Variants in ATF7IP2 observed in about 807,000 individuals in gnomAD.
The protein encoded by ATF7IP2 is activating transcription factor 7 interacting protein 2.
A neutral mutation model predicts 64.2 loss-of-function variants in ATF7IP2; 42 were observed. The observed-to-expected ratio is 0.65, with a 90% CI of 0.51 to 0.85. ATF7IP2 has a LOEUF of 0.85. Ranked by LOEUF, ATF7IP2 falls within the 40% of genes least tolerant of loss-of-function variation. The probability of loss-of-function intolerance (pLI) is 0.00; values close to 1 mark genes in which losing one functional copy is unlikely to be tolerated. For synonymous variants in ATF7IP2, 308 were observed against 272.8 expected, an observed-to-expected ratio of 1.13 and a Z score of -1.27; for missense variants, 933 against 784.2, an observed-to-expected ratio of 1.19 and a Z score of -2.27.
chr16:10,431,391 C>G lies in ATF7IP2; in HGVS notation c.771C>G (p.Thr257=). Residue 257 remains threonine (T), a synonymous_variant, in exon 5 of 14, where the codon ACC becomes ACG. Transcript: ENST00000562102. The part of the protein sequence containing the change: ...DILKTDECSR[T]SISNCESADS... ...TGAAAACTGATGAGTGTAGTAGAAC[C>G]AGTATTTCAAATTGTGAAAGTGCAG... 1 of 1,612,478 alleles carries G rather than the reference C, an allele frequency of 6.2e-7. No individual in the cohort carries two copies. Among genetic ancestry groups the G allele is most frequent in the Non-Finnish European group, 8.5e-7 (1 of 1,178,816 alleles).
intron 10 of ATF7IP2, among the ~76,000 whole-genome samples, chr16:10,472,924 C>T (rs2049858629): frequency 6.6e-6 from 1 of 151,804 alleles, no homozygotes; most frequent in Non-Finnish European, 1.5e-5. Flanking sequence ...CAAAAATACC[C>T]ATCTTGTTTG....
chr16:10,400,019 C>T (rs1314260273), intron 1 of ATF7IP2, among the ~76,000 whole-genome samples: 1 of 152,052 alleles, frequency 6.6e-6, no homozygotes, highest in Non-Finnish European at 1.5e-5. Flanking sequence ...AAATGCTACA[C>T]ATTTTAATTT....
chr16:10,454,630 G>C (rs1177839501), intron 8 of ATF7IP2, among the ~76,000 whole-genome samples: 1 of 151,598 alleles, frequency 6.6e-6, no homozygotes, highest in East Asian at 1.9e-4. Context: ...GTTATAATTT[G>C]TTCTTTTTCC....
chr16:10,417,461 C>T (rs923560913), intron 2 of ATF7IP2, among the ~76,000 whole-genome samples: 1 of 152,022 alleles, frequency 6.6e-6, no homozygotes, highest in African/African-American at 2.4e-5. Flanking sequence ...AGCTTTAAAT[C>T]AAAAGCAGTA....
chr16:10,478,099 A>G (rs568146296), intron 12 of ATF7IP2, among the ~76,000 whole-genome samples: 10 of 151,296 alleles, frequency 6.6e-5, no homozygotes, highest in East Asian at 5.8e-4. Context: ...TATAGATTCA[A>G]TGCCATCCCC....
intron 6 of ATF7IP2, among the ~76,000 whole-genome samples, chr16:10,435,302 C>T (rs1040840355): frequency 6.6e-6 from 1 of 152,156 alleles, no homozygotes; most frequent in African/African-American, 2.4e-5. Flanking sequence ...GGGTTAATTC[C>T]AGTTAAATTA....
At chr16:10,417,021 C>T (rs768905431) in intron 2 of ATF7IP2, among the ~76,000 whole-genome samples, 1 of 151,996 alleles carries the variant, frequency 6.6e-6, no homozygotes, top group Non-Finnish European at 1.5e-5. Flanking sequence ...TATGTACGCA[C>T]AGAAGTTACA....
intron 1 of ATF7IP2, among the ~76,000 whole-genome samples, chr16:10,401,585 G>A (rs1478980930): frequency 2.0e-5 from 3 of 151,978 alleles, no homozygotes; most frequent in Admixed American, 2.0e-4. Flanking sequence ...GTCCTTGCTT[G>A]GTTTTGATAT....
chr16:10,395,859 A>C lies in ATF7IP2; in HGVS notation c.-242+9737A>C, dbSNP rs138776706. The stretch of plus-strand genomic sequence containing the variant: ...GAGGTTTTCCTGCTAATTCAGGAAC[A>C]AGATGGACCCCTCCTGGCATTTCTA... On this transcript the variant is annotated intron_variant, in intron 1 of 13. Coordinates refer to ENST00000562102, the MANE Select transcript of ATF7IP2 (RefSeq NM_001393719.1). Among the ~76,000 whole-genome samples the C allele has an allele frequency of 4.2e-3, 640 of 152,296 alleles. 6 individuals are homozygous for C. Among genetic ancestry groups the C allele is most frequent in the African/African-American group, 0.014 (588 of 41,566 alleles).
chr16:10,397,734 G>A (rs1047302956), intron 1 of ATF7IP2, among the ~76,000 whole-genome samples: 14 of 151,986 alleles, frequency 9.2e-5, no homozygotes, highest in African/African-American at 3.4e-4. Flanking sequence ...GTGCACGCCA[G>A]TGGTTTCAGC....
intron 1 of ATF7IP2, among the ~76,000 whole-genome samples, chr16:10,390,374 A>T (rs2047297463): frequency 6.6e-6 from 1 of 152,268 alleles, no homozygotes; most frequent in South Asian, 2.1e-4. Context: ...ATTACAATGC[A>T]TCTTAGAGAA....
chr16:10,446,255 A>G (rs553934182), intron 8 of ATF7IP2: 1 of 152,350 alleles, frequency 6.6e-6, no homozygotes, highest in African/African-American at 2.4e-5. Context: ...TTAGATTTGG[A>G]TCTCCAGTCA....
At chr16:10,397,546 G>A (rs867887412) in intron 1 of ATF7IP2, among the ~76,000 whole-genome samples, 5 of 152,178 alleles carry the variant, frequency 3.3e-5, no homozygotes, top group African/African-American at 1.2e-4. Flanking sequence ...TGATCTTGCA[G>A]TGGCATTCCA....
chr16:10,472,855 C>CAA (rs71133355), intron 10 of ATF7IP2, among the ~76,000 whole-genome samples: 6,520 of 98,966 alleles, frequency 0.066, 465 homozygotes, highest in African/African-American at 0.17. Flanking sequence ...GACTCCGTCT[C>CAA]AAAAAAAAAA....
At chr16:10,452,614 T>G (rs1409095965) in intron 8 of ATF7IP2, among the ~76,000 whole-genome samples, 1 of 152,236 alleles carries the variant, frequency 6.6e-6, no homozygotes, top group Non-Finnish European at 1.5e-5. Flanking sequence ...GTCTGACATT[T>G]AGCAGAGCTC....
chr16:10,405,191 G>A (rs541578915), intron 1 of ATF7IP2, among the ~76,000 whole-genome samples: 17 of 151,158 alleles, frequency 1.1e-4, no homozygotes, highest in South Asian at 4.2e-4. Flanking sequence ...GGTGAAACCC[G>A]GTCTCTACTA....
At chr16:10,392,823 TAA>T (rs528726658) in intron 1 of ATF7IP2, among the ~76,000 whole-genome samples, 7 of 140,408 alleles carry the variant, frequency 5.0e-5, no homozygotes, top group African/African-American at 2.6e-5. Context: ...ACTCTGTCTT[TAA>T]AAAAAAAAAA....
intron 1 of ATF7IP2, among the ~76,000 whole-genome samples, chr16:10,406,366 A>G (rs962930415): frequency 1.3e-5 from 2 of 152,144 alleles, no homozygotes; most frequent in African/African-American, 4.8e-5. Flanking sequence ...TCAGCCTTCC[A>G]AAGTGCTGGG....
chr16:10,409,026 T>C (rs2047698939), intron 1 of ATF7IP2, among the ~76,000 whole-genome samples: 1 of 152,224 alleles, frequency 6.6e-6, no homozygotes, highest in African/African-American at 2.4e-5. Context: ...GCTGCTCATG[T>C]CATTCACGAT....
Sources: allele counts gnomAD v4.1 joint callset (sites outside exome capture counted in the v4.1 genomes callset), GRCh38; gene constraint gnomAD v4.1.1; transcripts MANE v1.5; gene names NCBI Gene and HGNC (gene_info 2026-07-23, HGNC 2026-07-21).